The following FARP2 variants were observed in gnomAD, a reference collection of about 807,000 sequenced individuals.
FARP2 encodes FERM, ARHGEF and pleckstrin domain-containing protein 2.
In FARP2, 111 loss-of-function variants were observed where a neutral mutation model predicts 130.5. That is an observed-to-expected ratio of 0.85 (90% CI 0.73 to 1.00). The LOEUF is 1.00. Among genes scored for constraint, FARP2 ranks in the 50% least tolerant of loss-of-function variants. FARP2 has a pLI of 0.00. For synonymous variants in FARP2, 504 were observed against 516.9 expected (o/e 0.98, Z 0.34); for missense variants, 1,385 against 1,346.3 (o/e 1.03, Z -0.45).
At chr2:241,484,789 G>A (rs531501540) in intron 21 of FARP2, among the ~76,000 whole-genome samples, 88 of 152,314 alleles carry the variant, frequency 5.8e-4, no homozygotes, top group Admixed American at 1.0e-3. Context: ...GTCCTTTGTG[G>A]TTAGTGCTTT....
In FARP2 at chr2:241,493,457, G is replaced by A. The variant is rs751529134; in HGVS notation, c.3047+13G>A. ...ACACATTTGAAAGGTAATTTTGCAG[G>A]AGGCAGCCCTGGTCAGCTGCCCATT... is the stretch of plus-strand genomic sequence containing the variant. On this transcript the variant is annotated intron_variant, in intron 26 of 26. Coordinates refer to ENST00000264042, the MANE Select transcript of FARP2 (RefSeq NM_014808.4). The A allele has an allele frequency of 1.2e-5, 19 of 1,613,210 alleles. No individual in the cohort carries two copies. Among genetic ancestry groups the A allele is most frequent in the Admixed American group, 3.3e-5 (2 of 60,016 alleles).
chr2:241,384,523 T>A (rs764990916), intron 2 of FARP2, among the ~76,000 whole-genome samples: 27 of 152,234 alleles, frequency 1.8e-4, no homozygotes, highest in Non-Finnish European at 3.4e-4. Flanking sequence ...AGTTCATGGA[T>A]CAATCTAAAA....
At chr2:241,409,944 G>A (rs530914252) in intron 5 of FARP2, among the ~76,000 whole-genome samples, 1 of 152,220 alleles carries the variant, frequency 6.6e-6, no homozygotes, top group African/African-American at 2.4e-5. Context: ...TTGTAGAAAT[G>A]GAATTGCTGT....
At chr2:241,451,814 G>A (rs1414200774) in intron 13 of FARP2, among the ~76,000 whole-genome samples, 1 of 151,982 alleles carries the variant, frequency 6.6e-6, no homozygotes, top group African/African-American at 2.4e-5. Flanking sequence ...GAGTGCAGTG[G>A]TACGATCTTG....
Position 241,407,485 on chromosome 2 carries a change from A to G in FARP2, c.332-52A>G. 3.8e-6 allele frequency: 5 copies of G among 1,306,434 alleles called. 1 individual carries two copies. In the South Asian group the frequency reaches 5.9e-5, roughly 15 times the overall value. 80.9% of individuals were successfully genotyped at this position (1,306,434 alleles called of 1,614,324 possible). On this transcript the variant is annotated intron_variant, in intron 4 of 26. Coordinates refer to ENST00000264042, the MANE Select transcript of FARP2 (RefSeq NM_014808.4). ...GTTATACAGTAATATATGAAAAGAG[A>G]ATAAATGCAAAGATCGGCCTTATTT...
intron 2 of FARP2, among the ~76,000 whole-genome samples, chr2:241,384,872 T>TA (rs1239143692): frequency 2.6e-5 from 4 of 152,226 alleles, no homozygotes; most frequent in African/African-American, 9.6e-5. Context: ...GTAAACATCT[T>TA]AAATCAAGGT....
At chr2:241,374,204 G>A (rs530113462) in intron 2 of FARP2, among the ~76,000 whole-genome samples, 1 of 152,032 alleles carries the variant, frequency 6.6e-6, no homozygotes, top group South Asian at 2.1e-4. Flanking sequence ...TAGAAACAGG[G>A]TTTTGCCATG....
intron 8 of FARP2, among the ~76,000 whole-genome samples, chr2:241,430,756 G>A (rs915199999): frequency 2.6e-5 from 4 of 152,288 alleles, no homozygotes; most frequent in Admixed American, 6.5e-5. Context: ...TGTAATCCCA[G>A]CACTTTGGGA....
rs1400734343 is a variant in FARP2 at position 241,439,439 on chromosome 2, C to T, written c.1159-1865C>T. On this transcript the variant is annotated intron_variant, in intron 12 of 26. Transcript: ENST00000264042. ...CCACCTCCCGGGTTCAAGTGATTCTCCTGCCTCAGCCTCCCAGGTGGCTGG... is the reference window on the plus strand; with the variant it reads ...CCACCTCCCGGGTTCAAGTGATTCTTCTGCCTCAGCCTCCCAGGTGGCTGG... 4.0e-5 allele frequency among the ~76,000 whole-genome samples: 6 copies of T among 151,556 alleles called. No homozygotes were observed. The East Asian group carries it at 1.2e-3, about 30-fold the overall frequency.
rs1320411588 is a variant in FARP2 at position 241,475,361 on chromosome 2, A to G, written c.2132-496A>G. ...GCAGGGGTCCCCAGTGCCCATGGCT[A>G]TGGACTAGTACCAGTCCAGTCCATA... is the stretch of plus-strand genomic sequence containing the variant. On this transcript the variant is annotated intron_variant, in intron 18 of 26. Transcript: ENST00000264042. The surrounding 1 kb of genome is among the most constrained non-coding windows in gnomAD (Gnocchi z 4.4). Among the ~76,000 whole-genome samples the G allele has an allele frequency of 6.6e-6, 1 of 152,192 alleles. No homozygotes were observed. The highest frequency in any genetic ancestry group is 1.5e-5 in the Non-Finnish European group (1 of 68,030).
At chr2:241,471,382 T>G (rs2064300916) in intron 18 of FARP2, 1 of 150,444 alleles carries the variant, frequency 6.6e-6, no homozygotes, top group South Asian at 2.1e-4. Flanking sequence ...AACCCTGTTC[T>G]GAGTGGGATG....
At chr2:241,465,907 C>T in intron 17 of FARP2, 1 of 1,433,754 alleles carries the variant, frequency 7.0e-7, no homozygotes, top group Non-Finnish European at 9.1e-7. Context: ...CTGCATTCAG[C>T]CTAGGTGCCC....
At chr2:241,493,154 C>A in intron 25 of FARP2, 118 bp downstream of exon 25, 1 of 1,161,608 alleles carries the variant, frequency 8.6e-7, no homozygotes, top group Non-Finnish European at 1.3e-6. Flanking sequence ...CCCACACACC[C>A]TGTGCTGTGT....
At chr2:241,457,879 G>A (rs1437194871) in intron 14 of FARP2, among the ~76,000 whole-genome samples, 3 of 152,130 alleles carry the variant, frequency 2.0e-5, no homozygotes, top group Non-Finnish European at 4.4e-5. Context: ...GCGAGGGGGC[G>A]GTTCTCTGCT....
intron 8 of FARP2, among the ~76,000 whole-genome samples, chr2:241,431,118 T>G (rs2063079615): frequency 6.6e-6 from 1 of 152,208 alleles, no homozygotes; most frequent in Non-Finnish European, 1.5e-5. Context: ...GTGAATTGCT[T>G]TTAGATGATG....
intron 13 of FARP2, among the ~76,000 whole-genome samples, chr2:241,454,222 C>A (rs1386787412): frequency 2.6e-5 from 4 of 152,082 alleles, no homozygotes; most frequent in Non-Finnish European, 5.9e-5. Flanking sequence ...CCTCCTGCAA[C>A]TTAAAGGCAG....
intron 8 of FARP2, among the ~76,000 whole-genome samples, chr2:241,425,741 CTTTT>C (rs34033002): frequency 4.9e-4 from 55 of 111,216 alleles, no homozygotes; most frequent in African/African-American, 1.1e-3. Context: ...CTCTCTCTCT[CTTTT>C]TTTTTTTTTT....
intron 13 of FARP2, among the ~76,000 whole-genome samples, chr2:241,452,223 G>C (rs2063678612): frequency 6.6e-6 from 1 of 152,202 alleles, no homozygotes; most frequent in Admixed American, 6.5e-5. Flanking sequence ...GCACTCTTCA[G>C]AGCCATGTTC....
chr2:241,382,290 C>CTTTTT (rs1553709361), intron 2 of FARP2, among the ~76,000 whole-genome samples: 1 of 127,198 alleles, frequency 7.9e-6, no homozygotes, highest in African/African-American at 2.8e-5. Flanking sequence ...TGTACAAAAT[C>CTTTTT]TATTTTTTTT....
Sources: allele counts gnomAD v4.1 joint callset (sites outside exome capture counted in the v4.1 genomes callset), GRCh38; gene constraint gnomAD v4.1.1; non-coding constraint Gnocchi (gnomAD v3.1); transcripts MANE v1.5; gene names NCBI Gene and HGNC (gene_info 2026-07-23, HGNC 2026-07-21).